The following KLHL1 variants were observed in gnomAD, a reference collection of about 807,000 sequenced individuals.
KLHL1 encodes kelch-like protein 1.
Under a neutral mutation model 77.7 loss-of-function variants are expected in KLHL1, and 47 were observed. The observed-to-expected ratio is 0.60, with a 90% CI of 0.48 to 0.77. The LOEUF (loss-of-function observed/expected upper bound fraction) is 0.77. KLHL1 is among the 30% of genes least tolerant of loss of function. The probability of loss-of-function intolerance (pLI) is 0.00; values close to 1 mark genes in which losing one functional copy is unlikely to be tolerated. For missense variants in KLHL1, 925 were observed against 910.8 expected, an observed-to-expected ratio of 1.02 and a Z score of -0.20; for synonymous variants, 360 against 325.2, an observed-to-expected ratio of 1.11 and a Z score of -1.15.
At position 69,975,514 on chromosome 13, in the gene KLHL1, T is replaced by C. The variant is rs28402140; in HGVS notation, c.680+106A>G. The C allele has an allele frequency of 1.6e-4, 63 of 389,634 alleles. No individual in the cohort carries two copies. The East Asian group carries it at 2.0e-3, about 12-fold the overall frequency. 24.1% of individuals were successfully genotyped at this position (389,634 alleles called of 1,614,324 possible). ...AACAACAACAAAAAACTTAAAAAAATGTGAATCCTTATTTCTGTAGTCATA... is the reference window on the plus strand; with the variant it reads ...AACAACAACAAAAAACTTAAAAAAACGTGAATCCTTATTTCTGTAGTCATA... On this transcript the variant is annotated intron_variant, in intron 2 of 10. Coordinates refer to ENST00000377844, the MANE Select transcript of KLHL1 (RefSeq NM_020866.3).
chr13:69,722,982 A>G (rs1394159400), intron 8 of KLHL1, among the ~76,000 whole-genome samples: 2 of 152,120 alleles, frequency 1.3e-5, no homozygotes, highest in East Asian at 1.9e-4. Flanking sequence ...ACAATGGAAT[A>G]CTATTCAGCC....
At chr13:70,002,663 T>G (rs1217582483) in intron 1 of KLHL1, among the ~76,000 whole-genome samples, 1 of 151,706 alleles carries the variant, frequency 6.6e-6, no homozygotes, top group Non-Finnish European at 1.5e-5. Flanking sequence ...ACACATCATG[T>G]CAATGACAAA....
At chr13:69,943,840 C>T (rs1295731300) in intron 3 of KLHL1, among the ~76,000 whole-genome samples, 11 of 152,104 alleles carry the variant, frequency 7.2e-5, no homozygotes, top group Admixed American at 2.0e-4. Flanking sequence ...GTCAAGAAGA[C>T]GGTTGCATGC....
intron 7 of KLHL1, among the ~76,000 whole-genome samples, chr13:69,777,275 G>A (rs371011630): frequency 6.6e-6 from 1 of 151,850 alleles, no homozygotes; most frequent in East Asian, 1.9e-4. Context: ...CCATTCTCAG[G>A]TATTTCTTCA....
At chr13:69,773,432 A>G (rs1304796897) in intron 7 of KLHL1, among the ~76,000 whole-genome samples, 2 of 152,022 alleles carry the variant, frequency 1.3e-5, no homozygotes, top group Non-Finnish European at 2.9e-5. Context: ...TTTTTCCTCT[A>G]TGAGATATAA....
At chr13:70,049,088 C>A (rs1046872495) in intron 1 of KLHL1, among the ~76,000 whole-genome samples, 1 of 151,910 alleles carries the variant, frequency 6.6e-6, no homozygotes, top group Non-Finnish European at 1.5e-5. Flanking sequence ...ATTTAAATGG[C>A]AATTTATAGT....
chr13:69,826,608 G>C (rs1014960596), intron 6 of KLHL1, among the ~76,000 whole-genome samples: 1 of 151,408 alleles, frequency 6.6e-6, no homozygotes, highest in African/African-American at 2.4e-5. Context: ...GAAATGCTGA[G>C]AGTAGATTTT....
intron 3 of KLHL1, among the ~76,000 whole-genome samples, chr13:69,949,159 T>C (rs1194305923): frequency 1.3e-5 from 2 of 151,898 alleles, no homozygotes; most frequent in African/African-American, 4.8e-5. Context: ...ATTGTTACAT[T>C]ATTATTAACT....
intron 1 of KLHL1, among the ~76,000 whole-genome samples, chr13:70,026,908 T>A (rs1191430794): frequency 1.3e-5 from 2 of 152,108 alleles, no homozygotes; most frequent in African/African-American, 4.8e-5. Flanking sequence ...GCAGTTGGGC[T>A]ATTTTTCTAT....
chr13:69,861,330 T>G (rs1880149107), intron 5 of KLHL1, among the ~76,000 whole-genome samples: 1 of 152,102 alleles, frequency 6.6e-6, no homozygotes, highest in Admixed American at 6.6e-5. Flanking sequence ...GCTTCTAAAT[T>G]TGTATAGATA....
chr13:70,017,694 G>A (rs1885692655), intron 1 of KLHL1, among the ~76,000 whole-genome samples: 1 of 152,200 alleles, frequency 6.6e-6, no homozygotes, highest in Non-Finnish European at 1.5e-5. Context: ...ATGTGCATAA[G>A]CTCACTACTA....
chr13:69,803,361 G>A (rs1301001251), intron 6 of KLHL1, among the ~76,000 whole-genome samples: 1 of 152,004 alleles, frequency 6.6e-6, no homozygotes, highest in African/African-American at 2.4e-5. Context: ...TTAACACCTG[G>A]TACATCCACA....
chr13:69,766,306 A>C (rs563696181), intron 7 of KLHL1, among the ~76,000 whole-genome samples: 1 of 152,200 alleles, frequency 6.6e-6, no homozygotes, highest in African/African-American at 2.4e-5. Context: ...TCATTATTAT[A>C]CATTAGCTGT....
intron 3 of KLHL1, among the ~76,000 whole-genome samples, chr13:69,948,199 C>G (rs1431475430): frequency 6.6e-6 from 1 of 152,116 alleles, no homozygotes; most frequent in Non-Finnish European, 1.5e-5. Context: ...AAACAGGCAT[C>G]TCAAGTGACT....
chr13:69,707,055 T>G (rs948285569), intron 10 of KLHL1, among the ~76,000 whole-genome samples: 2 of 152,000 alleles, frequency 1.3e-5, no homozygotes, highest in African/African-American at 4.8e-5. Context: ...GAGTGAGCAC[T>G]CACTACATGA....
chr13:69,875,473 AC>A lies in KLHL1; in HGVS notation c.1227+6809del. On this transcript the variant is annotated intron_variant, in intron 5 of 10. Transcript: ENST00000377844. ...ATGCAAAATAGATCCAGTGGAATCAACCCTTGATTCAAGCAGAAACACTTAA... is the reference window on the plus strand; with the variant it reads ...ATGCAAAATAGATCCAGTGGAATCAACCTTGATTCAAGCAGAAACACTTAA... Among the ~76,000 whole-genome samples the A allele has an allele frequency of 2.6e-5, 4 of 152,234 alleles. No individual in the cohort carries two copies. In the South Asian group the frequency reaches 8.3e-4, roughly 32 times the overall value.
chr13:69,742,976 T>C (rs1001159770), intron 7 of KLHL1, among the ~76,000 whole-genome samples: 3 of 152,134 alleles, frequency 2.0e-5, no homozygotes, highest in African/African-American at 7.2e-5. Context: ...AATAATTAAC[T>C]AGATGGAGAC....
rs547105973 is a variant in KLHL1, at chr13:69,796,980, C to T, written c.1415-18G>A. 1.9e-6 allele frequency: 3 copies of T among 1,598,172 alleles called. No homozygotes were observed. Among genetic ancestry groups the T allele is most frequent in the Admixed American group, 1.7e-5 (1 of 59,488 alleles). ...TGTAGCTCCTGATAAAACATAAAATCAAAAAGTCACCAATTGCTATAAATT... is the reference window on the plus strand; with the variant it reads ...TGTAGCTCCTGATAAAACATAAAATTAAAAAGTCACCAATTGCTATAAATT... On this transcript the variant is annotated intron_variant, in intron 6 of 10. Coordinates refer to ENST00000377844, the MANE Select transcript of KLHL1 (RefSeq NM_020866.3).
In KLHL1 at chr13:69,719,356, C is replaced by G. The variant is rs947878794; in HGVS notation, c.2015+13G>C. On this transcript the variant is annotated intron_variant, in intron 9 of 10. Coordinates refer to ENST00000377844, the MANE Select transcript of KLHL1 (RefSeq NM_020866.3). ...CTGTCTCTTTCGCTGTAACAGTGTC[C>G]TTGGGGTCTTACCTTTCTACATAAT... 6.2e-7 allele frequency: 1 copy of G among 1,609,868 alleles called. No individual in the cohort carries two copies. Among genetic ancestry groups the G allele is most frequent in the Non-Finnish European group, 8.5e-7 (1 of 1,176,724 alleles).
Sources: allele counts gnomAD v4.1 joint callset (sites outside exome capture counted in the v4.1 genomes callset), GRCh38; gene constraint gnomAD v4.1.1; transcripts MANE v1.5; gene names NCBI Gene and HGNC (gene_info 2026-07-23, HGNC 2026-07-21).